The following CGGBP1 variants were observed in gnomAD, a reference collection of about 807,000 sequenced individuals.
CGGBP1 encodes CGG triplet repeat-binding protein 1.
A neutral mutation model predicts 11.4 loss-of-function variants in CGGBP1; 4 were observed. The ratio of observed to expected loss-of-function variants is 0.35; its 90% confidence interval spans 0.17 to 0.80. CGGBP1 has a LOEUF of 0.80. Ranked by LOEUF, CGGBP1 falls within the 30% of genes least tolerant of loss-of-function variation. The pLI, the probability that CGGBP1 is intolerant of heterozygous loss-of-function variation, is 0.52. For synonymous variants in CGGBP1, 76 were observed against 74.1 expected, an observed-to-expected ratio of 1.03 and a Z score of -0.13; for missense variants, 135 against 202.1, an observed-to-expected ratio of 0.67 and a Z score of 2.01.
intron 2 of CGGBP1, among the ~76,000 whole-genome samples, chr3:88,109,179 G>GTGTGTGTGTA (rs1453735950): frequency 6.7e-6 from 1 of 150,284 alleles, no homozygotes; most frequent in Non-Finnish European, 1.5e-5. Flanking sequence ...GTGTGTGTGT[G>GTGTGTGTGTA]TATGAAGAAA....
chr3:88,099,523 A>G lies in CGGBP1; in HGVS notation c.-228-41300T>C, dbSNP rs139099571. Among the ~76,000 whole-genome samples the G allele has an allele frequency of 1.9e-4, 28 of 150,360 alleles. No homozygotes were observed. In the East Asian group the frequency reaches 5.2e-3, roughly 28 times the overall value. On this transcript the variant is annotated intron_variant, in intron 2 of 3. Transcript: ENST00000462901. ...AAAAAGAGCCCGCATTGCCAAGACA[A>G]TCCTAAGCCAAAGAACAAAGCTGGA...
At chr3:88,107,085 ATT>A (rs1704788791) in intron 2 of CGGBP1, among the ~76,000 whole-genome samples, 1 of 152,188 alleles carries the variant, frequency 6.6e-6, no homozygotes, top group South Asian at 2.1e-4. Flanking sequence ...TTGTAATGAA[ATT>A]GTCTACCCCC....
At chr3:88,119,670 A>G (rs967766111) in intron 2 of CGGBP1, among the ~76,000 whole-genome samples, 4 of 152,044 alleles carry the variant, frequency 2.6e-5, no homozygotes, top group Admixed American at 1.3e-4. Flanking sequence ...TTTTATATTT[A>G]TTTCTTTGTA....
At chr3:88,068,969 A>G (rs1707352590) in intron 2 of CGGBP1, among the ~76,000 whole-genome samples, 2 of 152,180 alleles carry the variant, frequency 1.3e-5, no homozygotes, top group African/African-American at 4.8e-5. Flanking sequence ...ATGCATATAT[A>G]TTTGATATAT....
chr3:88,075,030 C>A (rs1332341185), intron 2 of CGGBP1, among the ~76,000 whole-genome samples: 1 of 152,206 alleles, frequency 6.6e-6, no homozygotes, highest in Non-Finnish European at 1.5e-5. Context: ...AAAGTAGTAT[C>A]CTAATTTCTG....
At chr3:88,129,921 T>G (rs1213038970) in intron 2 of CGGBP1, 11 of 1,147,304 alleles carry the variant, frequency 9.6e-6, no homozygotes, top group Non-Finnish European at 1.3e-5. Context: ...TATGAAAATG[T>G]CAAGCTACTT....
upstream of CGGBP1, chr3:88,059,542 G>C (rs2107570882): frequency 6.9e-7 from 1 of 1,453,912 alleles, no homozygotes; most frequent in Non-Finnish European, 9.0e-7. Context: ...TTGTCACCCG[G>C]GTCCTGGGCC....
chr3:88,107,867 A>C (rs1430975719), intron 2 of CGGBP1, among the ~76,000 whole-genome samples: 2 of 152,092 alleles, frequency 1.3e-5, no homozygotes, highest in Non-Finnish European at 2.9e-5. Flanking sequence ...TTCTTAAACT[A>C]TATAATACCC....
At chr3:88,142,744 G>A (rs924779750) in intron 1 of CGGBP1, 1 of 152,154 alleles carries the variant, frequency 6.6e-6, no homozygotes. Context: ...CATTAGTGAT[G>A]ACTCTGGTCT....
chr3:88,149,784 A>G (rs1707376248), exon 1 of CGGBP1: 1 of 326,074 alleles, frequency 3.1e-6, no homozygotes, highest in Admixed American at 4.5e-5. Flanking sequence ...TCCCTTGCGG[A>G]TAGTCTATGT....
At chr3:88,059,387 C>A, upstream of CGGBP1, 1 of 1,535,274 alleles carries the variant, frequency 6.5e-7, no homozygotes, top group South Asian at 1.2e-5. Flanking sequence ...ATTGTGGAGT[C>A]CCCGCTGGGC....
At chr3:88,074,343 A>G (rs1205675992) in intron 2 of CGGBP1, among the ~76,000 whole-genome samples, 1 of 53,908 alleles carries the variant, frequency 1.9e-5, no homozygotes, top group African/African-American at 4.3e-5. Flanking sequence ...TTTATATCTT[A>G]CTTTTTTTTT....
intron 1 of CGGBP1, chr3:88,142,611 T>C (rs1464469108): frequency 4.6e-5 from 7 of 152,436 alleles, no homozygotes; most frequent in Non-Finnish European, 8.8e-5. Context: ...GTTATCTAAG[T>C]ACAGTCCTAT....
In CGGBP1 at chr3:88,052,319, A is replaced by G. The variant is rs1251844289; in HGVS notation, c.*3154T>C. On this transcript the variant is annotated 3_prime_UTR_variant, in exon 4 of 4. Coordinates refer to ENST00000482016, the MANE Select transcript of CGGBP1 (RefSeq NM_001008390.2). The stretch of plus-strand genomic sequence containing the variant: ...AATTTCTTTTAGGCTAAGATTGGCA[A>G]AAAATCATAGACCCAATTTTCCTTG... 4 of 152,626 alleles carry G rather than the reference A, an allele frequency of 2.6e-5. No homozygotes were observed. The highest frequency in any genetic ancestry group is 9.7e-5 in the African/African-American group (4 of 41,448). The allele number at this position is 152,626 out of a possible 1,614,324, so 9.5% of individuals were successfully genotyped here.
At chr3:88,058,684 C>T (rs1216153476) in intron 1 of CGGBP1, 131 bp downstream of exon 1, 1 of 152,372 alleles carries the variant, frequency 6.6e-6, no homozygotes, top group African/African-American at 2.4e-5. Flanking sequence ...CTTCCCGTCT[C>T]CTCCCTCTTC....
intron 3 of CGGBP1, 25 bp downstream of exon 3, chr3:88,057,166 G>A (rs1196749848): frequency 6.6e-6 from 1 of 152,136 alleles, no homozygotes; most frequent in South Asian, 2.1e-4. Flanking sequence ...AATCAGAAAC[G>A]ATGGAGTATT....
chr3:88,133,297 GCTGTATTGAGATTTAGGT>G (rs1329316160), intron 2 of CGGBP1, among the ~76,000 whole-genome samples: 1 of 152,126 alleles, frequency 6.6e-6, no homozygotes, highest in Non-Finnish European at 1.5e-5. Context: ...ACTGTATAAT[GCTGTATTGAGATTTAGGT>G]CTCTCTTATT....
At chr3:88,109,972 G>A (rs1329105413) in intron 2 of CGGBP1, among the ~76,000 whole-genome samples, 2 of 152,060 alleles carry the variant, frequency 1.3e-5, no homozygotes, top group Non-Finnish European at 2.9e-5. Flanking sequence ...TAATTAGCCT[G>A]TTACATTTCA....
At chr3:88,091,591 T>G (rs1468721038) in intron 2 of CGGBP1, among the ~76,000 whole-genome samples, 1 of 152,214 alleles carries the variant, frequency 6.6e-6, no homozygotes, top group Non-Finnish European at 1.5e-5. Context: ...GCTGATATGG[T>G]TTCACTGTGT....
Sources: gnomAD v4.1 joint callset for allele counts (sites outside exome capture counted in the v4.1 genomes callset) on GRCh38, gnomAD v4.1.1 for gene constraint, MANE v1.5 for transcripts, NCBI Gene and HGNC (gene_info 2026-07-23, HGNC 2026-07-21) for gene names.